Variants in DGKG observed in about 807,000 individuals in gnomAD.
DGKG encodes DAG kinase gamma.
DGKG carries 78 observed loss-of-function variants against 105.3 expected under a neutral mutation model. The observed-to-expected ratio is 0.74, with a 90% confidence interval of 0.62 to 0.89. The LOEUF (loss-of-function observed/expected upper bound fraction) is 0.89. Among genes scored for constraint, DGKG ranks in the 40% least tolerant of loss-of-function variants. DGKG has a pLI of 0.00. For missense variants in DGKG, 958 were observed against 1,020.1 expected (o/e 0.94, Z 0.83); for synonymous variants, 346 against 367.1 (o/e 0.94, Z 0.66).
intron 15 of DGKG, among the ~76,000 whole-genome samples, chr3:186,261,052 GGA>G (rs1355692229): frequency 1.3e-5 from 2 of 152,192 alleles, no homozygotes. Context: ...GCTCCAGCTT[GGA>G]ATTGTCAGGT....
At chr3:186,334,384 C>T (rs1178358577) in intron 1 of DGKG, among the ~76,000 whole-genome samples, 1 of 152,142 alleles carries the variant, frequency 6.6e-6, no homozygotes, top group Non-Finnish European at 1.5e-5. Flanking sequence ...CTGGTTCATT[C>T]CAGAAACCTA....
At chr3:186,252,963 T>G in intron 18 of DGKG, 130 bp downstream of exon 18, 1 of 740,740 alleles carries the variant, frequency 1.3e-6, no homozygotes, top group East Asian at 2.7e-5. Flanking sequence ...GGACTTGACA[T>G]GACTGCAGAG....
In DGKG at chr3:186,148,846, A is replaced by G. The variant is rs1715618183; in HGVS notation, c.*1244T>C. 1.0e-6 allele frequency: 1 copy of G among 984,644 alleles called. No homozygotes were observed. The allele number at this position is 984,644 out of a possible 1,614,324, so 61.0% of individuals were successfully genotyped here. On this transcript the variant is annotated 3_prime_UTR_variant, in exon 25 of 25. Transcript: ENST00000265022. ...TCACCACAGGGAGATGCGTCCTGAC[A>G]ATGAAACGGTGGAGTGGGGGAGTGA... is the stretch of plus-strand genomic sequence containing the variant.
At chr3:186,214,040 A>G (rs991695159) in intron 20 of DGKG, among the ~76,000 whole-genome samples, 2 of 152,218 alleles carry the variant, frequency 1.3e-5, no homozygotes, top group African/African-American at 4.8e-5. Context: ...TTCAAATATC[A>G]CTGCTGGCCT....
intron 1 of DGKG, among the ~76,000 whole-genome samples, chr3:186,328,864 C>A (rs1182348603): frequency 6.6e-6 from 1 of 152,148 alleles, no homozygotes; most frequent in Non-Finnish European, 1.5e-5. Context: ...CAGGTGTGAG[C>A]CACTGCGCCC....
At chr3:186,320,757 G>T in intron 1 of DGKG, 50 bp from the exon 2 acceptor site, 1 of 307,220 alleles carries the variant, frequency 3.3e-6, no homozygotes, top group Non-Finnish European at 5.9e-6. Flanking sequence ...AAAAAAAAAA[G>T]GCCCCAAATG....
Position 186,226,761 on chromosome 3 carries a change from C to T in DGKG, c.1827-14876G>A, listed in dbSNP as rs1265192082. ...CACTTTCAGGATTAAAGGGACACTC[C>T]ATTTAACAGAATAGAAAACATCTTG... On this transcript the variant is annotated intron_variant, in intron 20 of 24. Coordinates refer to ENST00000265022, the MANE Select transcript of DGKG (RefSeq NM_001346.3). The surrounding 1 kb of genome is among the most constrained non-coding windows in gnomAD (Gnocchi z 4.2). 2.0e-5 allele frequency among the ~76,000 whole-genome samples: 3 copies of T among 152,200 alleles called. No homozygotes were observed. Among genetic ancestry groups the T allele is most frequent in the Admixed American group, 2.0e-4 (3 of 15,286 alleles).
Position 186,320,443 on chromosome 3 carries a change from C to A in DGKG, c.17G>T (p.Trp6Leu). Residue 6 changes from tryptophan to leucine, a missense_variant, in exon 2 of 25, where the codon TGG becomes TTG. By Grantham distance (61) the Trp-to-Leu change is moderately conservative (BLOSUM62 -2). Transcript: ENST00000265022. ...AAATTCTTCTGGAGTGAGGGAGACC[C>A]ACCGTTCTTCACCCATTTTTAAACT... Reference protein sequence around the residue: MGEERWVSLTPEEFDQ... With the variant: MGEERLVSLTPEEFDQ... The A allele has an allele frequency of 6.2e-7, 1 of 1,614,138 alleles. No individual in the cohort carries two copies. The highest frequency in any genetic ancestry group is 8.5e-7 in the Non-Finnish European group (1 of 1,179,988).
chr3:186,241,495 G>A (rs1165344745), intron 20 of DGKG, among the ~76,000 whole-genome samples: 2 of 152,074 alleles, frequency 1.3e-5, no homozygotes, highest in East Asian at 3.9e-4. Flanking sequence ...GGAGGTTGCA[G>A]TGAGACAAGA....
rs564413277 is a variant in DGKG, at chr3:186,256,084, C to A, written c.1510+1770G>T. On this transcript the variant is annotated intron_variant, in intron 17 of 24. Coordinates refer to ENST00000265022, the MANE Select transcript of DGKG (RefSeq NM_001346.3). The stretch of plus-strand genomic sequence containing the variant: ...GGGAGCCGTGTGAGTAGTCCGGTAC[C>A]GCAGCCATCCACCCTCTGCAGATCA... 1.2e-4 allele frequency among the ~76,000 whole-genome samples: 18 copies of A among 152,248 alleles called. No homozygotes were observed. The South Asian group carries it at 3.7e-3, about 32-fold the overall frequency.
At chr3:186,322,872 G>A (rs1238256414) in intron 1 of DGKG, among the ~76,000 whole-genome samples, 1 of 152,162 alleles carries the variant, frequency 6.6e-6, no homozygotes, top group Non-Finnish European at 1.5e-5. Flanking sequence ...AGAAGCCAGT[G>A]CCCAGGTCAG....
In DGKG at chr3:186,265,374, T is replaced by A. The variant is rs149841009; in HGVS notation, c.1210-68A>T. On this transcript the variant is annotated intron_variant, in intron 13 of 24. Coordinates refer to ENST00000265022, the MANE Select transcript of DGKG (RefSeq NM_001346.3). ...GCCTAACACAAAGAAAGAGATCAGATGAAAAACAAACGGCTGATATAAAGA... is the reference window on the plus strand; with the variant it reads ...GCCTAACACAAAGAAAGAGATCAGAAGAAAAACAAACGGCTGATATAAAGA... The A allele has an allele frequency of 3.1e-3, 4,460 of 1,441,100 alleles. 40 individuals are homozygous for A. Among genetic ancestry groups the A allele is most frequent in the Middle Eastern group, 0.013 (73 of 5,724 alleles). 89.3% of individuals were successfully genotyped at this position (1,441,100 alleles called of 1,614,324 possible).
chr3:186,207,079 A>G (rs1409894338), intron 21 of DGKG, among the ~76,000 whole-genome samples: 2 of 152,038 alleles, frequency 1.3e-5, no homozygotes, highest in South Asian at 2.1e-4. Flanking sequence ...AGGGCCCACA[A>G]TGATTTATGG....
chr3:186,302,542 A>ATATATATATATATACATATG (rs1724018878), intron 3 of DGKG, among the ~76,000 whole-genome samples: 1 of 31,152 alleles, frequency 3.2e-5, no homozygotes, highest in African/African-American at 1.3e-4. Flanking sequence ...ACATATGTAT[A>ATATATATATATATACATATG]TATATATATA....
intron 20 of DGKG, among the ~76,000 whole-genome samples, chr3:186,234,690 G>C (rs1030121326): frequency 6.6e-6 from 1 of 152,192 alleles, no homozygotes; most frequent in Non-Finnish European, 1.5e-5. Context: ...TGGCCAGTGG[G>C]TAACCTTGTA....
chr3:186,251,088 AGT>A (rs1473506844), intron 19 of DGKG, among the ~76,000 whole-genome samples: 1 of 150,754 alleles, frequency 6.6e-6, no homozygotes, highest in Non-Finnish European at 1.5e-5. Context: ...GCACTGAGGG[AGT>A]GTGTGTGTGT....
chr3:186,251,642 G>T (rs1721231028), intron 19 of DGKG, 117 bp downstream of exon 19: 1 of 1,212,772 alleles, frequency 8.2e-7, no homozygotes. Flanking sequence ...CCCAACTCAG[G>T]GCTGGGGGGG....
chr3:186,306,315 A>T (rs1724236445), intron 3 of DGKG, among the ~76,000 whole-genome samples: 1 of 152,190 alleles, frequency 6.6e-6, no homozygotes, highest in South Asian at 2.1e-4. Context: ...AAATAACAGG[A>T]TGTTTACATG....
At chr3:186,201,374 G>A (rs2108511127) in intron 21 of DGKG, among the ~76,000 whole-genome samples, 1 of 152,192 alleles carries the variant, frequency 6.6e-6, no homozygotes, top group African/African-American at 2.4e-5. Flanking sequence ...GCTCAGAATG[G>A]AGACCCTTTC....
Sources: gnomAD v4.1 joint callset for allele counts (sites outside exome capture counted in the v4.1 genomes callset) on GRCh38, gnomAD v4.1.1 for gene constraint, Gnocchi (gnomAD v3.1) non-coding constraint, MANE v1.5 for transcripts, NCBI Gene and HGNC (gene_info 2026-07-23, HGNC 2026-07-21) for gene names.